Variants in RALGAPA2 observed in about 807,000 individuals in gnomAD.
RALGAPA2 encodes ral GTPase-activating protein subunit alpha-2.
In RALGAPA2, 139 loss-of-function variants were observed where a neutral mutation model predicts 230.4. That is an observed-to-expected ratio of 0.60 (90% CI 0.53 to 0.69). The LOEUF is 0.69. RALGAPA2 is among the 30% of genes least tolerant of loss of function. RALGAPA2 has a pLI of 0.00. For missense variants in RALGAPA2, 2,163 were observed against 2,276.0 expected (o/e 0.95, Z 1.01); for synonymous variants, 847 against 837.8 (o/e 1.01, Z -0.19).
chr20:20,627,912 G>A (rs1386336530), intron 10 of RALGAPA2, among the ~76,000 whole-genome samples: 2 of 152,364 alleles, frequency 1.3e-5, no homozygotes, highest in East Asian at 3.9e-4. Context: ...AAGGAGGCAA[G>A]TGTAGAATTA....
intron 3 of RALGAPA2, among the ~76,000 whole-genome samples, chr20:20,672,265 C>G (rs2068161279): frequency 6.6e-6 from 1 of 152,138 alleles, no homozygotes; most frequent in East Asian, 1.9e-4. Context: ...TCATTCAGTA[C>G]CACTCTCAAA....
chr20:20,488,722 C>T (rs2061976072), intron 36 of RALGAPA2, among the ~76,000 whole-genome samples: 1 of 152,182 alleles, frequency 6.6e-6, no homozygotes, highest in Non-Finnish European at 1.5e-5. Context: ...CATTCTATCA[C>T]TCTGCTTTAC....
chr20:20,602,658 C>T (rs2065691224), intron 15 of RALGAPA2, among the ~76,000 whole-genome samples: 1 of 152,182 alleles, frequency 6.6e-6, no homozygotes, highest in South Asian at 2.1e-4. Flanking sequence ...TAGAATAAAG[C>T]AACATAAATC....
intron 10 of RALGAPA2, among the ~76,000 whole-genome samples, chr20:20,623,413 T>C (rs1325594188): frequency 6.6e-6 from 1 of 151,920 alleles, no homozygotes; most frequent in Non-Finnish European, 1.5e-5. Context: ...AATGACAGCA[T>C]TCAATTCAAA....
intron 36 of RALGAPA2, among the ~76,000 whole-genome samples, chr20:20,473,466 T>C (rs1373609564): frequency 6.6e-6 from 1 of 152,186 alleles, no homozygotes. Flanking sequence ...GCTTCCAAGA[T>C]ACTGCATTAC....
At chr20:20,480,255 G>C (rs1314861161) in intron 36 of RALGAPA2, among the ~76,000 whole-genome samples, 1 of 152,158 alleles carries the variant, frequency 6.6e-6, no homozygotes, top group Non-Finnish European at 1.5e-5. Context: ...AGAAGAACTG[G>C]GTAGGGACTT....
At chr20:20,572,014 C>T in intron 21 of RALGAPA2, 68 bp from the exon 22 acceptor site, 1 of 1,067,980 alleles carries the variant, frequency 9.4e-7, no homozygotes, top group Non-Finnish European at 1.4e-6. Flanking sequence ...TTTCAACAGT[C>T]TTCTGTGACC....
intron 36 of RALGAPA2, among the ~76,000 whole-genome samples, chr20:20,483,032 G>A (rs927506480): frequency 1.3e-5 from 2 of 152,194 alleles, no homozygotes; most frequent in African/African-American, 2.4e-5. Context: ...TTTACTTAAT[G>A]GAAAGGCTGA....
intron 38 of RALGAPA2, among the ~76,000 whole-genome samples, chr20:20,408,446 T>C (rs1008998399): frequency 3.9e-5 from 6 of 152,238 alleles, no homozygotes; most frequent in Non-Finnish European, 5.9e-5. Flanking sequence ...GTAAAGTTCC[T>C]TTTTTTCTCT....
chr20:20,659,806 G>A, intron 3 of RALGAPA2: 1 of 869,316 alleles, frequency 1.2e-6, no homozygotes, highest in Non-Finnish European at 1.8e-6. Context: ...GGAAAAAACA[G>A]AACAAGACAA....
rs199937369 is a variant in RALGAPA2 at position 20,526,311 on chromosome 20, C to A, written c.3634G>T (p.Val1212Phe). 183 of 1,608,528 alleles carry A rather than the reference C, an allele frequency of 1.1e-4. No individual in the cohort carries two copies. In the African/African-American group the frequency reaches 2.4e-3, roughly 21 times the overall value. Residue 1212 changes from valine to phenylalanine, a missense_variant, in exon 28 of 40, where the codon GTT becomes TTT. By Grantham distance (50) the Val-to-Phe change is conservative. Coordinates refer to ENST00000202677, the MANE Select transcript of RALGAPA2 (RefSeq NM_020343.4). ...QVACDVLQLL[V>F]SYWEKLQMFE... ...ATCTGAAGCTTCTCCCAGTAGGAAACCAGCAACTGAAGGACATCGCAAGCT... is the reference window on the plus strand; with the variant it reads ...ATCTGAAGCTTCTCCCAGTAGGAAAACAGCAACTGAAGGACATCGCAAGCT...
intron 35 of RALGAPA2, among the ~76,000 whole-genome samples, chr20:20,501,070 A>T (rs1046206340): frequency 3.9e-5 from 6 of 152,240 alleles, no homozygotes; most frequent in Non-Finnish European, 2.9e-5. Flanking sequence ...TTTATTGAGC[A>T]CAGGTAGAGT....
chr20:20,416,732 T>C (rs960874280), intron 37 of RALGAPA2, among the ~76,000 whole-genome samples: 6 of 152,252 alleles, frequency 3.9e-5, no homozygotes, highest in African/African-American at 1.4e-4. Flanking sequence ...TATGTGTTTG[T>C]TGACTGTTGT....
intron 24 of RALGAPA2, among the ~76,000 whole-genome samples, chr20:20,538,031 T>C (rs1425925601): frequency 6.6e-6 from 1 of 152,206 alleles, no homozygotes; most frequent in African/African-American, 2.4e-5. Flanking sequence ...ACTTGGGCTA[T>C]AAAATCAAAG....
chr20:20,658,465 A>C (rs747490183), intron 3 of RALGAPA2, among the ~76,000 whole-genome samples: 2 of 152,244 alleles, frequency 1.3e-5, no homozygotes, highest in Non-Finnish European at 2.9e-5. Flanking sequence ...TGTGAATGCC[A>C]CATAAGCTAC....
At chr20:20,626,260 C>A (rs2066487516) in intron 10 of RALGAPA2, among the ~76,000 whole-genome samples, 2 of 152,292 alleles carry the variant, frequency 1.3e-5, no homozygotes, top group South Asian at 4.1e-4. Flanking sequence ...ACCAACAGAG[C>A]AATAAAATGC....
chr20:20,612,738 G>A (rs1267373757), intron 13 of RALGAPA2, among the ~76,000 whole-genome samples: 1 of 152,204 alleles, frequency 6.6e-6, no homozygotes, highest in Non-Finnish European at 1.5e-5. Context: ...TGACTTTGAA[G>A]AGAACTGGGA....
At chr20:20,456,891 T>G (rs2061134921) in intron 37 of RALGAPA2, among the ~76,000 whole-genome samples, 1 of 152,132 alleles carries the variant, frequency 6.6e-6, no homozygotes. Flanking sequence ...ACAATCATAT[T>G]GCACTACAGC....
chr20:20,537,755 C>A (rs1602697906), intron 24 of RALGAPA2, among the ~76,000 whole-genome samples: 1 of 151,998 alleles, frequency 6.6e-6, no homozygotes, highest in Non-Finnish European at 1.5e-5. Flanking sequence ...TATATGTCTA[C>A]TATTATGTAA....
Sources: allele counts gnomAD v4.1 joint callset (sites outside exome capture counted in the v4.1 genomes callset), GRCh38; gene constraint gnomAD v4.1.1; transcripts MANE v1.5; gene names NCBI Gene and HGNC (gene_info 2026-07-23, HGNC 2026-07-21).